AP3D1: variants seen among roughly 807,000 people sequenced by gnomAD.
AP3D1 encodes AP-3 complex subunit delta-1.
In AP3D1, 51 loss-of-function variants were observed where a neutral mutation model predicts 147.6. The ratio of observed to expected loss-of-function variants is 0.35; its 90% CI spans 0.28 to 0.44. The LOEUF (loss-of-function observed/expected upper bound fraction) is 0.44. AP3D1 is among the 20% of genes least tolerant of loss of function. The probability of loss-of-function intolerance (pLI) is 1.00; values close to 1 mark genes in which losing one functional copy is unlikely to be tolerated. For synonymous variants in AP3D1, 760 were observed against 663.0 expected (o/e 1.15, Z -2.25); for missense variants, 1,421 against 1,624.2 (o/e 0.87, Z 2.15).
At chr19:2,139,506 C>A (rs1284397042) in intron 1 of AP3D1, among the ~76,000 whole-genome samples, 4 of 152,204 alleles carry the variant, frequency 2.6e-5, no homozygotes, top group Non-Finnish European at 5.9e-5. Context: ...TCCAGAATGG[C>A]AGACAAGGTT....
chr19:2,110,210 C>A lies in AP3D1; in HGVS notation c.3190G>T (p.Ala1064Ser), dbSNP rs747614717. The A allele has an allele frequency of 1.2e-6, 2 of 1,612,244 alleles. No individual in the cohort carries two copies. Among genetic ancestry groups the A allele is most frequent in the Admixed American group, 1.7e-5 (1 of 60,020 alleles). ...CTCTGGATGGTGAACACATACTGGGCTTCGTTGGAGACGCCTGGCGGGGGC... is the reference window on the plus strand; with the variant it reads ...CTCTGGATGGTGAACACATACTGGGATTCGTTGGAGACGCCTGGCGGGGGC... ...FQLPPGVSNE[A>S]QYVFTIQSIV... The change falls in exon 28 of 32, where the codon GCC (alanine) becomes TCC (serine). Residue 1064 changes from alanine (A) to serine (S), a missense_variant. This residue lies in a region of AP3D1 where 791 missense variants were observed against 761.4 expected (regional missense o/e 1.04). Transcript: ENST00000643116.
intron 24 of AP3D1, chr19:2,112,311 G>A (rs2018305869): frequency 1.6e-5 from 3 of 186,234 alleles, no homozygotes. Context: ...ACCTGTCCAC[G>A]CACTGGAACA....
At chr19:2,152,596 G>A (rs980131055), upstream of AP3D1, among the ~76,000 whole-genome samples, 13 of 150,770 alleles carry the variant, frequency 8.6e-5, no homozygotes, top group African/African-American at 2.4e-4. Flanking sequence ...GGGTAAGATG[G>A]GCCAGGCGCG....
intron 18 of AP3D1, 100 bp from the exon 19 acceptor site, chr19:2,115,713 C>T: frequency 7.8e-7 from 1 of 1,281,894 alleles, no homozygotes. Flanking sequence ...CCCCAACATC[C>T]TAAGGAGCTG....
intron 3 of AP3D1, 88 bp from the exon 4 acceptor site, chr19:2,137,179 A>G (rs766973064): frequency 8.3e-7 from 1 of 1,203,046 alleles, no homozygotes; most frequent in Non-Finnish European, 1.2e-6. Flanking sequence ...CACACCAGGC[A>G]GCGCCAGCCC....
chr19:2,116,455 G>T (rs1485414534), intron 17 of AP3D1, 150 bp downstream of exon 17: 11 of 1,244,322 alleles, frequency 8.8e-6, no homozygotes, highest in Non-Finnish European at 1.2e-5. Flanking sequence ...TGGGGGAAAA[G>T]GAATCGCTAA....
At chr19:2,127,074 T>G in intron 9 of AP3D1, 78 bp downstream of exon 9, 1 of 1,491,828 alleles carries the variant, frequency 6.7e-7, no homozygotes, top group Non-Finnish European at 9.3e-7. Context: ...ACACCAGGCC[T>G]GGCGCCCTCC....
chr19:2,150,408 G>A (rs553892512), intron 1 of AP3D1, among the ~76,000 whole-genome samples: 2 of 152,366 alleles, frequency 1.3e-5, no homozygotes, highest in Non-Finnish European at 1.5e-5. Flanking sequence ...CTAGGTCACA[G>A]GTTGGGGGAA....
chr19:2,116,775 C>T (rs778900579), intron 16 of AP3D1, 29 bp from the exon 17 acceptor site: 2 of 1,576,766 alleles, frequency 1.3e-6, no homozygotes, highest in East Asian at 2.3e-5. Context: ...CCACACAAGG[C>T]AGTGTGTGAC....
At chr19:2,151,172 G>A (rs544145528) in intron 1 of AP3D1, 67 bp downstream of exon 1, 20 of 1,479,816 alleles carry the variant, frequency 1.4e-5, no homozygotes, top group Admixed American at 1.1e-4. Context: ...CAGGCCCAGT[G>A]AGCAGGGCTG....
chr19:2,140,108 C>G (rs1490840096), intron 1 of AP3D1, among the ~76,000 whole-genome samples: 1 of 152,124 alleles, frequency 6.6e-6, no homozygotes, highest in Non-Finnish European at 1.5e-5. Context: ...CTCCCATCCC[C>G]GGAGCAAGGA....
intron 1 of AP3D1, among the ~76,000 whole-genome samples, chr19:2,148,991 TG>T (rs1326101316): frequency 1.1e-4 from 17 of 151,050 alleles, no homozygotes; most frequent in Admixed American, 1.1e-3. Context: ...TCAAAGTGAG[TG>T]GGGGTGCTGG....
At chr19:2,158,541 C>T (rs2019667882) in intron 1 of AP3D1, among the ~76,000 whole-genome samples, 1 of 151,756 alleles carries the variant, frequency 6.6e-6, no homozygotes, top group Admixed American at 6.6e-5. Flanking sequence ...CTCCTGGCCT[C>T]AAGTTGTCCT....
In AP3D1 at chr19:2,116,103, C is replaced by T. The variant is rs567343655; in HGVS notation, c.2073+104G>A. ...GTCACCGTGTGGCCCCAGCTCCATT[C>T]CCAGGATCTTCCTGAGGGAACCCGA... On this transcript the variant is annotated intron_variant, in intron 18 of 31. Transcript: ENST00000643116. 471 of 1,170,566 alleles carry T rather than the reference C, an allele frequency of 4.0e-4. 1 individual carries two copies. The highest frequency in any genetic ancestry group is 2.5e-3 in the South Asian group (184 of 74,256). 72.5% of individuals were successfully genotyped at this position (1,170,566 alleles called of 1,614,324 possible). A position where few individuals can be genotyped will look rare whatever the true frequency, so the allele number is the denominator to read the frequency against.
chr19:2,111,357 C>A (rs376573593), intron 25 of AP3D1, 25 bp from the exon 26 acceptor site: 2 of 1,613,552 alleles, frequency 1.2e-6, no homozygotes, highest in Non-Finnish European at 1.7e-6. Flanking sequence ...GGCGCATCAG[C>A]CTTGGGGGCC....
chr19:2,126,478 A>G (rs1459809837), intron 9 of AP3D1, among the ~76,000 whole-genome samples: 1 of 151,630 alleles, frequency 6.6e-6, no homozygotes, highest in Non-Finnish European at 1.5e-5. Flanking sequence ...ATGTAGTGAA[A>G]CCCCGTGTCT....
intron 9 of AP3D1, among the ~76,000 whole-genome samples, chr19:2,125,036 T>C (rs1386079831): frequency 6.6e-6 from 1 of 152,176 alleles, no homozygotes; most frequent in Non-Finnish European, 1.5e-5. Flanking sequence ...GGGTGCAGTG[T>C]ACACTGCCTG....
At chr19:2,130,337 C>A in intron 6 of AP3D1, 71 bp downstream of exon 6, 1 of 1,601,028 alleles carries the variant, frequency 6.2e-7, no homozygotes, top group Non-Finnish European at 8.5e-7. Flanking sequence ...CCAAAACACG[C>A]CACCACCTCT....
chr19:2,114,906 C>G, intron 20 of AP3D1, 85 bp from the exon 21 acceptor site: 1 of 1,419,212 alleles, frequency 7.0e-7, no homozygotes, highest in South Asian at 1.2e-5. Context: ...AGTGGGACTG[C>G]CCATGCGGGC....
Sources: gnomAD v4.1 joint callset for allele counts (sites outside exome capture counted in the v4.1 genomes callset) on GRCh38, gnomAD v4.1.1 for gene constraint, gnomAD v4.1.1 regional missense constraint, MANE v1.5 for transcripts, NCBI Gene and HGNC (gene_info 2026-07-23, HGNC 2026-07-21) for gene names.